PCDHGA4: variants seen among roughly 807,000 people sequenced by gnomAD.
The protein encoded by PCDHGA4 is protocadherin gamma-A4.
In PCDHGA4, 38 loss-of-function variants were observed where a neutral mutation model predicts 54.6. The observed-to-expected ratio is 0.70, with a 90% CI of 0.54 to 0.91. The LOEUF (loss-of-function observed/expected upper bound fraction) is 0.91, where lower values mean the gene tolerates loss of function less well. Ranked by LOEUF, PCDHGA4 falls within the 40% of genes least tolerant of loss-of-function variation. The pLI is 0.00. For synonymous variants in PCDHGA4, 511 were observed against 512.9 expected, an observed-to-expected ratio of 1.00 and a Z score of 0.05; for missense variants, 1,298 against 1,220.9, an observed-to-expected ratio of 1.06 and a Z score of -0.94.
chr5:141,400,776 G>A (rs1461818790), intron 1 of PCDHGA4: 9 of 557,602 alleles, frequency 1.6e-5, no homozygotes, highest in Middle Eastern at 4.6e-4. Context: ...CATTTGGTGC[G>A]TTTTTTTGTC....
chr5:141,429,858 A>T (rs1183727412), intron 1 of PCDHGA4, among the ~76,000 whole-genome samples: 1 of 152,192 alleles, frequency 6.6e-6, no homozygotes, highest in East Asian at 1.9e-4. Context: ...CATTCTTTGG[A>T]CTACCAATTT....
At chr5:141,404,408 A>G in intron 1 of PCDHGA4, 1 of 1,613,900 alleles carries the variant, frequency 6.2e-7, no homozygotes, top group Non-Finnish European at 8.5e-7. Flanking sequence ...TGAGAATTCT[A>G]GAGTTATTTA....
chr5:141,489,091 T>C lies in PCDHGA4; in HGVS notation c.2515-5716T>C. 1 of 333,052 alleles carries C rather than the reference T, an allele frequency of 3.0e-6. No individual in the cohort carries two copies. The highest frequency in any genetic ancestry group is 5.5e-6 in the Non-Finnish European group (1 of 181,380). 20.6% of individuals were successfully genotyped at this position (333,052 alleles called of 1,614,324 possible). On this transcript the variant is annotated intron_variant, in intron 1 of 3. Coordinates refer to ENST00000571252, the MANE Select transcript of PCDHGA4 (RefSeq NM_018917.4). This position sits in a 1 kb window ranked among gnomAD's most constrained non-coding sequence, Gnocchi z 4.5. ...CTGCCCACCCCCGCCACTCGGTGAC[T>C]AAGAACTGCTGCAAGCAGGCAAACC...
intron 1 of PCDHGA4, chr5:141,394,322 G>A (rs1438978424): frequency 1.9e-6 from 3 of 1,613,842 alleles, no homozygotes; most frequent in African/African-American, 1.3e-5. Flanking sequence ...CCCTGTCCTC[G>A]TATATCTCCA....
chr5:141,372,395 C>G (rs1768730158), intron 1 of PCDHGA4: 1 of 1,613,942 alleles, frequency 6.2e-7, no homozygotes, highest in Admixed American at 1.7e-5. Context: ...TCGCAGATAG[C>G]TTGCAAGAGA....
At chr5:141,467,360 C>T (rs965838962) in intron 1 of PCDHGA4, among the ~76,000 whole-genome samples, 3 of 152,010 alleles carry the variant, frequency 2.0e-5, no homozygotes, top group Non-Finnish European at 4.4e-5. Context: ...GCCAAATCAA[C>T]GTTTTCTTAT....
In PCDHGA4 at chr5:141,409,805, C is replaced by G. The variant is rs751397816; in HGVS notation, c.2514+52184C>G. ...CGCCTTCGCGCTCACGCTGCAGGCC[C>G]GCGACCACGGCTCGCCCACGCTCAG... On this transcript the variant is annotated intron_variant, in intron 1 of 3. Coordinates refer to ENST00000571252, the MANE Select transcript of PCDHGA4 (RefSeq NM_018917.4). 8 of 1,611,512 alleles carry G rather than the reference C, an allele frequency of 5.0e-6. No individual in the cohort carries two copies. In the African/African-American group the frequency reaches 5.3e-5, roughly 11 times the overall value.
rs751976949 is a variant in PCDHGA4, at chr5:141,414,873, C to A, written c.2514+57252C>A. The A allele has an allele frequency of 6.2e-6, 10 of 1,614,108 alleles. No homozygotes were observed. The Admixed American group carries it at 1.2e-4, about 19-fold the overall frequency. ...ACCAGAACGACAATGCGCCCGAGAT[C>A]CTGTACCCCGCCCTCCCCACAGACG... On this transcript the variant is annotated intron_variant, in intron 1 of 3. Transcript: ENST00000571252.
At chr5:141,500,182 ATT>A (rs1199992745) in intron 2 of PCDHGA4, among the ~76,000 whole-genome samples, 2 of 131,622 alleles carry the variant, frequency 1.5e-5, no homozygotes, top group African/African-American at 3.1e-5. Flanking sequence ...CTTCATTTTT[ATT>A]TTTATTTATT....
Position 141,431,601 on chromosome 5 carries a change from T to G in PCDHGA4, c.2515-63206T>G. 1 of 1,614,202 alleles carries G rather than the reference T, an allele frequency of 6.2e-7. No homozygotes were observed. Among genetic ancestry groups the G allele is most frequent in the Non-Finnish European group, 8.5e-7 (1 of 1,180,032 alleles). On this transcript the variant is annotated intron_variant, in intron 1 of 3. Transcript: ENST00000571252. The surrounding 1 kb of genome is among the most constrained non-coding windows in gnomAD (Gnocchi z 4.8). Reference sequence around the variant, plus strand: ...GTCAATGCGGAAGTGAGGTATTCCTTCCGGTATGTGGACGACAAGGCGGCC... The same window carrying G: ...GTCAATGCGGAAGTGAGGTATTCCTGCCGGTATGTGGACGACAAGGCGGCC...
In PCDHGA4 at chr5:141,442,072, C is replaced by G. The variant is rs1034351866; in HGVS notation, c.2515-52735C>G. On this transcript the variant is annotated intron_variant, in intron 1 of 3. Transcript: ENST00000571252. ...GTCGCGGTGCACTGCGGTGGACAGC[C>G]GCTCCTCTCGCTACCGCCACGTCAC... 17 of 175,092 alleles carry G rather than the reference C, an allele frequency of 9.7e-5. No homozygotes were observed. The South Asian group carries it at 1.5e-3, about 16-fold the overall frequency. 10.8% of individuals were successfully genotyped at this position (175,092 alleles called of 1,614,324 possible). A position where few individuals can be genotyped will look rare whatever the true frequency, so the allele number is the denominator to read the frequency against.
chr5:141,364,214 G>A lies in PCDHGA4; in HGVS notation c.2514+6593G>A, dbSNP rs935384771. 7 of 1,287,292 alleles carry A rather than the reference G, an allele frequency of 5.4e-6. No individual in the cohort carries two copies. In the African/African-American group the frequency reaches 6.0e-5, roughly 11 times the overall value. The allele number at this position is 1,287,292 out of a possible 1,614,324, so 79.7% of individuals were successfully genotyped here. A position where few individuals can be genotyped will look rare whatever the true frequency, so the allele number is the denominator to read the frequency against. On this transcript the variant is annotated intron_variant, in intron 1 of 3. Transcript: ENST00000571252. ...ACACACAGACCAGACAAGCTCCTAC[G>A]AAAAGCCAACGCTCCACGCCCATTT...
At chr5:141,374,497 G>T in intron 1 of PCDHGA4, 5 of 1,611,562 alleles carry the variant, frequency 3.1e-6, no homozygotes, top group Non-Finnish European at 4.2e-6. Flanking sequence ...AGGAAGAATT[G>T]GAAGTGAAAA....
chr5:141,418,277 T>G, intron 1 of PCDHGA4: 2 of 1,614,026 alleles, frequency 1.2e-6, no homozygotes, highest in Non-Finnish European at 1.7e-6. Flanking sequence ...TGAAATAAAC[T>G]TAGAAATCAG....
At chr5:141,374,748 G>T in intron 1 of PCDHGA4, 1 of 1,611,888 alleles carries the variant, frequency 6.2e-7, no homozygotes, top group Non-Finnish European at 8.5e-7. Flanking sequence ...GACCCTGTCC[G>T]CTCAAGCGTC....
Position 141,491,445 on chromosome 5 carries a change from C to G in PCDHGA4, c.2515-3362C>G. ...GAGGGCAGTGCTGCAGGCGCCAGGACTCACCCTCCCCGGACTTCTATAAGC... is the reference window on the plus strand; with the variant it reads ...GAGGGCAGTGCTGCAGGCGCCAGGAGTCACCCTCCCCGGACTTCTATAAGC... On this transcript the variant is annotated intron_variant, in intron 1 of 3. Coordinates refer to ENST00000571252, the MANE Select transcript of PCDHGA4 (RefSeq NM_018917.4). This position sits in a 1 kb window ranked among gnomAD's most constrained non-coding sequence, Gnocchi z 6.9. 6.2e-7 allele frequency: 1 copy of G among 1,614,112 alleles called. No individual in the cohort carries two copies. Among genetic ancestry groups the G allele is most frequent in the Non-Finnish European group, 8.5e-7 (1 of 1,180,032 alleles).
intron 1 of PCDHGA4, chr5:141,419,481 C>A (rs2096389716): frequency 2.5e-6 from 4 of 1,612,424 alleles, no homozygotes; most frequent in Non-Finnish European, 3.4e-6. Context: ...GGCTCGCCCG[C>A]GCTCAGCGCC....
At chr5:141,475,840 A>G (rs1039073157) in intron 1 of PCDHGA4, 2 of 434,770 alleles carry the variant, frequency 4.6e-6, no homozygotes, top group Non-Finnish European at 8.2e-6. Context: ...TGTCCTGCTC[A>G]GAGAGCCCGG....
intron 1 of PCDHGA4, chr5:141,393,009 A>T: frequency 6.2e-7 from 1 of 1,613,898 alleles, no homozygotes. Flanking sequence ...CGGAGTCCGT[A>T]TCGTCTCCAG....
Sources: allele counts gnomAD v4.1 joint callset (sites outside exome capture counted in the v4.1 genomes callset), GRCh38; gene constraint gnomAD v4.1.1; non-coding constraint Gnocchi (gnomAD v3.1); transcripts MANE v1.5; gene names NCBI Gene and HGNC (gene_info 2026-07-23, HGNC 2026-07-21).